The following GORASP1 variants were observed in gnomAD, a reference collection of about 807,000 sequenced individuals.
The protein encoded by GORASP1 is golgi reassembly stacking protein 1.
GORASP1 carries 31 observed loss-of-function variants against 37.7 expected under a neutral mutation model. The ratio of observed to expected loss-of-function variants is 0.82; its 90% CI spans 0.62 to 1.11. GORASP1 has a LOEUF of 1.11. GORASP1 is among the 50% of genes least tolerant of loss of function. The probability of loss-of-function intolerance (pLI) is 0.00; values close to 1 mark genes in which losing one functional copy is unlikely to be tolerated. For missense variants in GORASP1, 476 were observed against 560.7 expected, an observed-to-expected ratio of 0.85 and a Z score of 1.53; for synonymous variants, 204 against 224.8, an observed-to-expected ratio of 0.91 and a Z score of 0.83.
In GORASP1 at chr3:39,103,459, G is replaced by T. The variant is rs1296359674; in HGVS notation, c.144+14C>A. Reference sequence around the variant, plus strand: ...ACATAAGCAAGCAAAGCAGAGGCAGGTTGGGGAACTCACCAGCCTCGAGTG... The same window carrying T: ...ACATAAGCAAGCAAAGCAGAGGCAGTTTGGGGAACTCACCAGCCTCGAGTG... On this transcript the variant is annotated intron_variant, in intron 2 of 8. Coordinates refer to ENST00000319283, the MANE Select transcript of GORASP1 (RefSeq NM_031899.4). The surrounding 1 kb of genome is among the most constrained non-coding windows in gnomAD (Gnocchi z 5.2). 1.9e-6 allele frequency: 3 copies of T among 1,605,768 alleles called. No homozygotes were observed. The highest frequency in any genetic ancestry group is 3.4e-5 in the Admixed American group (2 of 59,080).
chr3:39,101,387 A>G (rs1293618732), intron 3 of GORASP1: 2 of 587,856 alleles, frequency 3.4e-6, no homozygotes, highest in Admixed American at 2.4e-5. Flanking sequence ...CTATATGACT[A>G]TAAACACATT....
rs763691317 is a variant in GORASP1 at position 39,101,005 on chromosome 3, G to A, written c.435+11C>T. On this transcript the variant is annotated intron_variant, in intron 4 of 8. Transcript: ENST00000319283. ...GAGGGTCTGGGGAGGGGCAAATTGCGGGTTCCTCACCTCCTGGAGAATCTG... is the reference window on the plus strand; with the variant it reads ...GAGGGTCTGGGGAGGGGCAAATTGCAGGTTCCTCACCTCCTGGAGAATCTG... 4.3e-6 allele frequency: 7 copies of A among 1,613,956 alleles called. No homozygotes were observed. Among genetic ancestry groups the A allele is most frequent in the Non-Finnish European group, 5.1e-6 (6 of 1,179,930 alleles).
rs781634325 is a variant in GORASP1, at chr3:39,102,829, G to A, written c.197C>T (p.Pro66Leu). The A allele has an allele frequency of 3.1e-6, 5 of 1,614,134 alleles. No individual in the cohort carries two copies. Among genetic ancestry groups the A allele is most frequent in the Non-Finnish European group, 4.2e-6 (5 of 1,180,034 alleles). The change falls in exon 3 of 9, where the codon CCC becomes CTC. Residue 66 changes from proline (P) to leucine (L), a missense_variant. Transcript: ENST00000319283. This position sits in a 1 kb window ranked among gnomAD's most constrained non-coding sequence, Gnocchi z 5.0. The stretch of plus-strand genomic sequence containing the variant: ...CATATTGAACACCTCCAGCTTCACG[G>A]GCTTCTCCACATTGGCTTTCAGTAG... ...KALLKANVEKPVKLEVFNMKT... is the reference protein window; with the variant it reads ...KALLKANVEKLVKLEVFNMKT...
intron 3 of GORASP1, chr3:39,101,521 G>A (rs1288711888): frequency 4.4e-6 from 2 of 458,586 alleles, no homozygotes; most frequent in Admixed American, 4.7e-5. Flanking sequence ...TTGGCTACAG[G>A]AGCACCCACT....
At chr3:39,104,874 G>A (rs554070762) in intron 1 of GORASP1, among the ~76,000 whole-genome samples, 1 of 152,340 alleles carries the variant, frequency 6.6e-6, no homozygotes, top group Admixed American at 6.5e-5. Flanking sequence ...TCTGGGCCCT[G>A]CCCTCTAACC....
In GORASP1 at chr3:39,102,219, TA is replaced by T. The variant is rs1342629607; in HGVS notation, c.348+458del. Among the ~76,000 whole-genome samples, 1 of 152,172 alleles carries T rather than the reference TA, an allele frequency of 6.6e-6. No individual in the cohort carries two copies. The highest frequency in any genetic ancestry group is 1.5e-5 in the Non-Finnish European group (1 of 68,024). On this transcript the variant is annotated intron_variant, in intron 3 of 8. Transcript: ENST00000319283. This position sits in a 1 kb window ranked among gnomAD's most constrained non-coding sequence, Gnocchi z 5.0. ...TAACACAATTAAGTATCTGTGTGTC[TA>T]AACATTCAGGCATAGAACAGGTACA...
chr3:39,101,993 C>A (rs890371792), intron 3 of GORASP1, among the ~76,000 whole-genome samples: 12 of 152,162 alleles, frequency 7.9e-5, no homozygotes, highest in Non-Finnish European at 1.3e-4. Flanking sequence ...CCAGAAAAAA[C>A]AGTATATTTA....
In GORASP1 at chr3:39,098,235, G is replaced by A. The variant is rs752774516; in HGVS notation, c.*1C>T. 3.7e-6 allele frequency: 6 copies of A among 1,613,690 alleles called. No homozygotes were observed. Among genetic ancestry groups the A allele is most frequent in the Admixed American group, 1.7e-5 (1 of 59,980 alleles). ...CATGGGCCTTGTCACAGCCCAGGGTGTTATTCTGTGGTAGAGATCTGGGCC... is the reference window on the plus strand; with the variant it reads ...CATGGGCCTTGTCACAGCCCAGGGTATTATTCTGTGGTAGAGATCTGGGCC... On this transcript the variant is annotated 3_prime_UTR_variant, in exon 9 of 9. Coordinates refer to ENST00000319283, the MANE Select transcript of GORASP1 (RefSeq NM_031899.4). This position sits in a 1 kb window ranked among gnomAD's most constrained non-coding sequence, Gnocchi z 4.7.
Position 39,100,779 on chromosome 3 carries a change from T to C in GORASP1, c.534A>G (p.Val178=), listed in dbSNP as rs2035650228. The stretch of plus-strand genomic sequence containing the variant: ...CTCCACCCCAGGCTGCGTTGGGAGT[T>C]ACAGTCACCTCCCGGCAGGAGTCTG... ...SKSDSCREVT[V]TPNAAWGGEG... is the part of the protein sequence containing the mutation. The change falls in exon 5 of 9, where the codon GTA becomes GTG. Residue 178 remains valine, a synonymous_variant. Transcript: ENST00000319283. This position sits in a 1 kb window ranked among gnomAD's most constrained non-coding sequence, Gnocchi z 4.6. 1 of 1,613,938 alleles carries C rather than the reference T, an allele frequency of 6.2e-7. No homozygotes were observed. Among genetic ancestry groups the C allele is most frequent in the African/African-American group, 1.3e-5 (1 of 74,898 alleles).
chr3:39,101,241 TCCCTCATTTCAC>T (rs1394696146), intron 3 of GORASP1, 139 bp from the exon 4 acceptor site: 1 of 728,848 alleles, frequency 1.4e-6, no homozygotes, highest in Non-Finnish European at 2.4e-6. Context: ...AAGCCCATAC[TCCCTCATTTCAC>T]CCCTCCATTC....
At chr3:39,107,123 G>A (rs2125717132) in intron 1 of GORASP1, 3 of 493,464 alleles carry the variant, frequency 6.1e-6, no homozygotes, top group South Asian at 1.5e-5. Context: ...CGCGGCAGGC[G>A]AGCGTAAATG....
intron 1 of GORASP1, among the ~76,000 whole-genome samples, chr3:39,106,274 C>A (rs994121019): frequency 3.3e-5 from 5 of 152,152 alleles, no homozygotes; most frequent in African/African-American, 1.2e-4. Context: ...TCCCTGGTCC[C>A]TCTCCAATTT....
At chr3:39,099,568 A>G in intron 6 of GORASP1, 65 bp from the exon 7 acceptor site, 1 of 1,516,592 alleles carries the variant, frequency 6.6e-7, no homozygotes, top group Non-Finnish European at 9.0e-7. Context: ...AGAATTTTGC[A>G]GTCCAACCTA....
chr3:39,102,626 C>A lies in GORASP1; in HGVS notation c.348+52G>T, dbSNP rs1255600731. 6 of 1,589,912 alleles carry A rather than the reference C, an allele frequency of 3.8e-6. No individual in the cohort carries two copies. In the Admixed American group the frequency reaches 5.0e-5, roughly 13 times the overall value. On this transcript the variant is annotated intron_variant, in intron 3 of 8. Coordinates refer to ENST00000319283, the MANE Select transcript of GORASP1 (RefSeq NM_031899.4). The surrounding 1 kb of genome is among the most constrained non-coding windows in gnomAD (Gnocchi z 5.0). ...CACCCCGCCCACACCCAGACCTGCC[C>A]CAGTAAACTCATCCTTCCGACACAC...
At chr3:39,104,826 A>G (rs1479859907) in intron 1 of GORASP1, among the ~76,000 whole-genome samples, 3 of 152,198 alleles carry the variant, frequency 2.0e-5, no homozygotes, top group Non-Finnish European at 4.4e-5. Context: ...GGCCTGGCCC[A>G]GTAGGCAAGC....
chr3:39,106,597 C>A (rs1388724773), intron 1 of GORASP1, among the ~76,000 whole-genome samples: 1 of 152,154 alleles, frequency 6.6e-6, no homozygotes. Context: ...ACAAGCTTGC[C>A]TGTCTCCACT....
rs1179811383 is a variant in GORASP1, at chr3:39,102,869, C to A, written c.157G>T (p.Asp53Tyr). The A allele has an allele frequency of 6.2e-7, 1 of 1,614,186 alleles. No homozygotes were observed. The highest frequency in any genetic ancestry group is 8.5e-7 in the Non-Finnish European group (1 of 1,180,030). ...IGHSRLNKENDTLKALLKANV... is the reference protein window; with the variant it reads ...IGHSRLNKENYTLKALLKANV... ...GCTTTCAGTAGTGCCTTCAGGGTGT[C>A]ATTCTCCTTGTTCTGTGGGGGCAAT... Residue 53 changes from aspartate to tyrosine, a missense_variant, in exon 3 of 9, where the codon GAC becomes TAC. Asp to Tyr is a radical substitution (Grantham distance 160). Coordinates refer to ENST00000319283, the MANE Select transcript of GORASP1 (RefSeq NM_031899.4). This position sits in a 1 kb window ranked among gnomAD's most constrained non-coding sequence, Gnocchi z 5.0.
intron 1 of GORASP1, chr3:39,107,000 A>G: frequency 2.2e-6 from 1 of 452,360 alleles, no homozygotes; most frequent in Non-Finnish European, 4.5e-6. Context: ...TACGACTGGC[A>G]GGACGCGCGC....
chr3:39,101,585 T>G (rs1454668950), intron 3 of GORASP1: 7 of 456,536 alleles, frequency 1.5e-5, no homozygotes, highest in Non-Finnish European at 3.1e-5. Flanking sequence ...GGGTTGGAGG[T>G]GAGGGCAATG....
Sources: allele counts gnomAD v4.1 joint callset (sites outside exome capture counted in the v4.1 genomes callset), GRCh38; gene constraint gnomAD v4.1.1; non-coding constraint Gnocchi (gnomAD v3.1); transcripts MANE v1.5; gene names NCBI Gene and HGNC (gene_info 2026-07-23, HGNC 2026-07-21).